Variants in PARVA observed in about 807,000 individuals in gnomAD.
PARVA encodes the protein alpha-parvin.
A neutral mutation model predicts 52.6 loss-of-function variants in PARVA; 25 were observed. The ratio of observed to expected loss-of-function variants is 0.48; its 90% CI spans 0.35 to 0.66. The LOEUF is 0.66. PARVA is among the 30% of genes least tolerant of loss of function. The pLI, the probability that PARVA is intolerant of heterozygous loss-of-function variation, is 0.01. For synonymous variants in PARVA, 185 were observed against 179.1 expected (o/e 1.03, Z -0.26); for missense variants, 373 against 450.9 (o/e 0.83, Z 1.56).
intron 5 of PARVA, among the ~76,000 whole-genome samples, chr11:12,498,262 C>G (rs1941323886): frequency 6.6e-6 from 1 of 152,146 alleles, no homozygotes; most frequent in African/African-American, 2.4e-5. Flanking sequence ...TCTCGAACTC[C>G]TGAGCTCAGG....
chr11:12,387,630 G>A (rs1020221120), intron 1 of PARVA, among the ~76,000 whole-genome samples: 4 of 151,836 alleles, frequency 2.6e-5, no homozygotes, highest in African/African-American at 7.3e-5. Flanking sequence ...TTCCTTTTGC[G>A]GGAAGACATT....
chr11:12,425,679 T>C (rs1378252998), intron 1 of PARVA, among the ~76,000 whole-genome samples: 2 of 152,222 alleles, frequency 1.3e-5, no homozygotes, highest in African/African-American at 4.8e-5. Context: ...TGTGTTATTA[T>C]GTACATCTCA....
chr11:12,425,011 G>T (rs1209620489), intron 1 of PARVA, among the ~76,000 whole-genome samples: 1 of 152,090 alleles, frequency 6.6e-6, no homozygotes, highest in Non-Finnish European at 1.5e-5. Flanking sequence ...CACATGCTCT[G>T]TCTCCCCCTC....
chr11:12,461,407 T>G (rs1021820394), intron 1 of PARVA, among the ~76,000 whole-genome samples: 3 of 152,210 alleles, frequency 2.0e-5, no homozygotes, highest in Non-Finnish European at 4.4e-5. Flanking sequence ...GGCATGGCAC[T>G]TCTTCTCTAA....
At chr11:12,417,099 T>C (rs1940077240) in intron 1 of PARVA, among the ~76,000 whole-genome samples, 1 of 152,202 alleles carries the variant, frequency 6.6e-6, no homozygotes, top group Admixed American at 6.5e-5. Context: ...ATAAGGAAAC[T>C]TGTATATCAG....
Position 12,492,851 on chromosome 11 carries a change from A to AC in PARVA, c.401-3607_401-3606insC, listed in dbSNP as rs144772462. On this transcript the variant is annotated intron_variant, in intron 4 of 12. Transcript: ENST00000334956. ...GTAATACATACACACACACACACAC[A>AC]AGATGTTTATTGCAACTTTATTACA... 3.7e-3 allele frequency among the ~76,000 whole-genome samples: 570 copies of AC among 152,060 alleles called. 4 individuals carry two copies. Among genetic ancestry groups the AC allele is most frequent in the African/African-American group, 0.013 (528 of 41,478 alleles).
intron 1 of PARVA, among the ~76,000 whole-genome samples, chr11:12,399,501 A>G (rs1939795629): frequency 6.6e-6 from 1 of 152,236 alleles, no homozygotes; most frequent in South Asian, 2.1e-4. Flanking sequence ...TCATAGCAAT[A>G]TCAAATTGCT....
intron 3 of PARVA, 85 bp downstream of exon 3, chr11:12,474,068 G>A (rs904549644): frequency 2.4e-5 from 25 of 1,061,610 alleles, no homozygotes; most frequent in East Asian, 5.2e-5. Flanking sequence ...GGTACCCCAC[G>A]AGCCCCTGAG....
At chr11:12,457,165 A>C (rs910081191) in intron 1 of PARVA, among the ~76,000 whole-genome samples, 23 of 152,214 alleles carry the variant, frequency 1.5e-4, no homozygotes, top group Non-Finnish European at 1.5e-5. Flanking sequence ...AGGTTGTACA[A>C]AAGGAAGCTA....
intron 4 of PARVA, among the ~76,000 whole-genome samples, chr11:12,481,844 G>A (rs1364966005): frequency 4.6e-5 from 7 of 152,066 alleles, no homozygotes; most frequent in Admixed American, 6.6e-5. Context: ...GGGGCCTCTC[G>A]TAGCCCAGGA....
chr11:12,474,067 C>T (rs547319512), intron 3 of PARVA, 84 bp downstream of exon 3: 119 of 1,071,842 alleles, frequency 1.1e-4, no homozygotes, highest in South Asian at 4.9e-4. Flanking sequence ...AGGTACCCCA[C>T]GAGCCCCTGA....
intron 1 of PARVA, among the ~76,000 whole-genome samples, chr11:12,386,342 A>G (rs1486459738): frequency 6.6e-6 from 1 of 152,142 alleles, no homozygotes; most frequent in Non-Finnish European, 1.5e-5. Flanking sequence ...TTATGCCTTT[A>G]CATGCTGTTC....
intron 8 of PARVA, among the ~76,000 whole-genome samples, chr11:12,512,143 G>C (rs967345529): frequency 6.6e-6 from 1 of 152,194 alleles, no homozygotes; most frequent in Non-Finnish European, 1.5e-5. Context: ...AGCCCAGAAA[G>C]ATTCATTAGC....
intron 1 of PARVA, among the ~76,000 whole-genome samples, chr11:12,397,715 A>G (rs981143408): frequency 6.6e-6 from 1 of 152,116 alleles, no homozygotes; most frequent in Admixed American, 6.5e-5. Context: ...TAGCTTCAGC[A>G]TGTTGGTTCA....
At chr11:12,416,218 A>G (rs946367428) in intron 1 of PARVA, among the ~76,000 whole-genome samples, 1 of 152,196 alleles carries the variant, frequency 6.6e-6, no homozygotes, top group Non-Finnish European at 1.5e-5. Flanking sequence ...TAGCAGGCAG[A>G]TAGAGCATGT....
chr11:12,508,124 C>CAA (rs199719161), intron 6 of PARVA, among the ~76,000 whole-genome samples: 1 of 105,246 alleles, frequency 9.5e-6, no homozygotes, highest in African/African-American at 3.3e-5. Context: ...AAAAAAAAAC[C>CAA]AAAAAAAAAA....
upstream of PARVA, chr11:12,377,461 G>A (rs1939408496): frequency 1.4e-6 from 2 of 1,406,856 alleles, no homozygotes; most frequent in East Asian, 3.0e-5. Context: ...CCAGGGCAGA[G>A]GGCGGCGCGA....
upstream of PARVA, chr11:12,376,719 T>C (rs912480906): frequency 1.0e-6 from 1 of 984,130 alleles, no homozygotes; most frequent in Non-Finnish European, 1.2e-6. Flanking sequence ...AGAGCCAGAG[T>C]GAGAACTTGA....
chr11:12,468,331 GA>G (rs1423373467), intron 1 of PARVA, among the ~76,000 whole-genome samples: 1 of 152,200 alleles, frequency 6.6e-6, no homozygotes, highest in Non-Finnish European at 1.5e-5. Flanking sequence ...CTTATTGGTT[GA>G]ATGAATGAAA....
Sources: gnomAD v4.1 joint callset for allele counts (sites outside exome capture counted in the v4.1 genomes callset) on GRCh38, gnomAD v4.1.1 for gene constraint, MANE v1.5 for transcripts, NCBI Gene and HGNC (gene_info 2026-07-23, HGNC 2026-07-21) for gene names.